ERN1: variants seen among roughly 807,000 people sequenced by gnomAD.
ERN1 encodes the protein serine/threonine-protein kinase/endoribonuclease IRE1.
ERN1 carries 39 observed loss-of-function variants against 113.1 expected under a neutral mutation model. The ratio of observed to expected loss-of-function variants is 0.34; its 90% CI spans 0.27 to 0.45. The LOEUF (loss-of-function observed/expected upper bound fraction) is 0.45. ERN1 is among the 20% of genes least tolerant of loss of function. ERN1 has a pLI of 1.00. For missense variants in ERN1, 976 were observed against 1,274.8 expected (o/e 0.77, Z 3.57); for synonymous variants, 507 against 515.9 (o/e 0.98, Z 0.23).
intron 19 of ERN1, 29 bp downstream of exon 19, chr17:64,047,829 C>T: frequency 6.5e-7 from 1 of 1,533,360 alleles, no homozygotes. Context: ...TAAATGAAGA[C>T]TCTGGATAAA....
intron 10 of ERN1, among the ~76,000 whole-genome samples, chr17:64,062,513 T>C (rs1032192636): frequency 5.9e-5 from 9 of 152,260 alleles, no homozygotes; most frequent in Admixed American, 4.6e-4. Flanking sequence ...TTACACTTAA[T>C]AGATTCCTTA....
At chr17:64,078,428 T>C (rs1470796970) in intron 4 of ERN1, among the ~76,000 whole-genome samples, 1 of 152,234 alleles carries the variant, frequency 6.6e-6, no homozygotes, top group Admixed American at 6.5e-5. Flanking sequence ...ACAAATACTT[T>C]GTGGCCTCTT....
intron 2 of ERN1, among the ~76,000 whole-genome samples, chr17:64,084,667 T>G (rs1375812283): frequency 6.6e-6 from 1 of 152,234 alleles, no homozygotes; most frequent in African/African-American, 2.4e-5. Context: ...AGCTTCTCTG[T>G]GACTCAAAAT....
At chr17:64,125,241 T>C (rs1290213238) in intron 1 of ERN1, among the ~76,000 whole-genome samples, 3 of 152,198 alleles carry the variant, frequency 2.0e-5, no homozygotes, top group African/African-American at 7.2e-5. Flanking sequence ...CTATCCTTTC[T>C]AACTTTTCTA....
chr17:64,090,189 C>T (rs1914049197), intron 2 of ERN1, among the ~76,000 whole-genome samples: 1 of 152,036 alleles, frequency 6.6e-6, no homozygotes, highest in Non-Finnish European at 1.5e-5. Flanking sequence ...TTTTTAAAGA[C>T]ATCTAATCAA....
intron 10 of ERN1, among the ~76,000 whole-genome samples, chr17:64,062,982 C>T (rs894986848): frequency 6.6e-6 from 1 of 152,320 alleles, no homozygotes; most frequent in East Asian, 1.9e-4. Flanking sequence ...ACACACATCC[C>T]CACCTACACC....
chr17:64,129,700 G>C (rs1915182262), intron 1 of ERN1: 2 of 376,926 alleles, frequency 5.3e-6, no homozygotes, highest in Non-Finnish European at 9.4e-6. Context: ...AGCCCGCGGG[G>C]TCCGGGGAGC....
intron 11 of ERN1, 93 bp downstream of exon 11, chr17:64,060,376 G>A: frequency 1.2e-6 from 1 of 806,994 alleles, no homozygotes; most frequent in Non-Finnish European, 2.2e-6. Context: ...TCCCAGACTA[G>A]GCTGCAAGCT....
intron 5 of ERN1, among the ~76,000 whole-genome samples, chr17:64,072,435 A>G (rs986154416): frequency 6.6e-6 from 1 of 152,260 alleles, no homozygotes; most frequent in African/African-American, 2.4e-5. Flanking sequence ...TGTGAAGGGC[A>G]ATCCTTTTCC....
At chr17:64,110,815 C>A (rs1033031610) in intron 1 of ERN1, among the ~76,000 whole-genome samples, 7 of 152,224 alleles carry the variant, frequency 4.6e-5, no homozygotes, top group African/African-American at 1.7e-4. Context: ...CAGCCTCACA[C>A]GTTTGAATAG....
intron 2 of ERN1, among the ~76,000 whole-genome samples, chr17:64,091,526 C>T (rs111697299): frequency 0.013 from 2,042 of 152,228 alleles, 39 homozygotes; most frequent in African/African-American, 0.045. Flanking sequence ...GCCAGAAGTG[C>T]CACAACAGAG....
intron 1 of ERN1, 151 bp from the exon 2 acceptor site, chr17:64,098,392 C>CAGGGAATTT: frequency 2.0e-6 from 2 of 977,768 alleles, no homozygotes; most frequent in South Asian, 2.6e-5. Context: ...AATTCCCACT[C>CAGGGAATTT]AGTCAGGACT....
At chr17:64,110,479 T>C (rs1914643085) in intron 1 of ERN1, among the ~76,000 whole-genome samples, 1 of 152,208 alleles carries the variant, frequency 6.6e-6, no homozygotes, top group African/African-American at 2.4e-5. Context: ...TTAAAAAATG[T>C]CCTTTGATGA....
chr17:64,065,204 C>A lies in ERN1; in HGVS notation c.921+5G>T. On this transcript the variant is annotated splice_donor_5th_base_variant and intron_variant, in intron 9 of 21. Transcript: ENST00000433197. Reference sequence around the variant, plus strand: ...GCAGCTGCGAGCCCTCCGTAGTGGACTTACCACGACAGCAACCCCCTCGTG... The same window carrying A: ...GCAGCTGCGAGCCCTCCGTAGTGGAATTACCACGACAGCAACCCCCTCGTG... 1 of 1,602,698 alleles carries A rather than the reference C, an allele frequency of 6.2e-7. No individual in the cohort carries two copies. Among genetic ancestry groups the A allele is most frequent in the East Asian group, 2.2e-5 (1 of 44,678 alleles).
intron 19 of ERN1, 110 bp from the exon 20 acceptor site, chr17:64,045,592 C>G (rs1368748810): frequency 2.8e-6 from 4 of 1,445,404 alleles, no homozygotes; most frequent in East Asian, 2.3e-5. Context: ...TGCCCCAGAG[C>G]TGGGCAGCAG....
intron 5 of ERN1, among the ~76,000 whole-genome samples, chr17:64,074,161 A>G (rs750317915): frequency 6.6e-6 from 1 of 152,248 alleles, no homozygotes; most frequent in Non-Finnish European, 1.5e-5. Context: ...TAGAGTTTAC[A>G]TAACTCAGTT....
intron 4 of ERN1, among the ~76,000 whole-genome samples, chr17:64,079,075 T>A (rs1460761173): frequency 6.6e-6 from 1 of 152,162 alleles, no homozygotes; most frequent in Non-Finnish European, 1.5e-5. Flanking sequence ...TGACCATATG[T>A]GTGGGCCTGT....
chr17:64,115,009 T>C (rs2143490491), intron 1 of ERN1, among the ~76,000 whole-genome samples: 1 of 152,288 alleles, frequency 6.6e-6, no homozygotes, highest in South Asian at 2.1e-4. Flanking sequence ...CCATCATGCA[T>C]GGAATCAGAA....
chr17:64,094,742 C>A (rs1914184704), intron 2 of ERN1, among the ~76,000 whole-genome samples: 1 of 151,992 alleles, frequency 6.6e-6, no homozygotes, highest in Non-Finnish European at 1.5e-5. Flanking sequence ...TGGAGCCCTC[C>A]CTGTTTAAAA....
Sources: gnomAD v4.1 joint callset for allele counts (sites outside exome capture counted in the v4.1 genomes callset) on GRCh38, gnomAD v4.1.1 for gene constraint, MANE v1.5 for transcripts, NCBI Gene and HGNC (gene_info 2026-07-23, HGNC 2026-07-21) for gene names.